SQLE: variants seen among roughly 807,000 people sequenced by gnomAD.
The protein encoded by SQLE is squalene epoxidase, also known as squalene monooxygenase.
In SQLE, 29 loss-of-function variants were observed where a neutral mutation model predicts 60.7. The ratio of observed to expected loss-of-function variants is 0.48; its 90% CI spans 0.36 to 0.65. The LOEUF is 0.65. Among genes scored for constraint, SQLE ranks in the 30% least tolerant of loss-of-function variants. The probability of loss-of-function intolerance (pLI) is 0.00; values close to 1 mark genes in which losing one functional copy is unlikely to be tolerated. For missense variants in SQLE, 605 were observed against 684.1 expected (o/e 0.88, Z 1.29); for synonymous variants, 237 against 246.8 (o/e 0.96, Z 0.37).
intron 7 of SQLE, among the ~76,000 whole-genome samples, chr8:125,017,659 G>A (rs1237421493): frequency 6.6e-6 from 1 of 152,198 alleles, no homozygotes; most frequent in African/African-American, 2.4e-5. Context: ...TTATGAAGGT[G>A]CTTTCCTGTG....
chr8:125,003,048 T>C (rs769380765), intron 1 of SQLE, 128 bp from the exon 2 acceptor site: 40 of 730,244 alleles, frequency 5.5e-5, no homozygotes, highest in Non-Finnish European at 7.4e-5. Context: ...TAACAATTTG[T>C]TTGGTTTGAT....
At chr8:125,007,672 G>A (rs1468804646) in intron 4 of SQLE, among the ~76,000 whole-genome samples, 185 bp downstream of exon 4, 1 of 152,086 alleles carries the variant, frequency 6.6e-6, no homozygotes, top group Non-Finnish European at 1.5e-5. Context: ...TACCAGTTGA[G>A]CATCTCTAAT....
In SQLE at chr8:125,006,631, A is replaced by G. The variant is rs546295826; in HGVS notation, c.726-760A>G. Among the ~76,000 whole-genome samples the G allele has an allele frequency of 3.7e-4, 56 of 151,900 alleles. 1 individual carries two copies. The highest frequency in any genetic ancestry group is 1.3e-3 in the African/African-American group (52 of 41,464). ...GCGAGACTTGGTCTCAAAAAAAAAA[A>G]AAAAGAAAATGGAAAAATAGTCCCA... On this transcript the variant is annotated intron_variant, in intron 3 of 10. Transcript: ENST00000265896.
intron 7 of SQLE, 181 bp from the exon 8 acceptor site, chr8:125,017,878 C>T (rs2129908151): frequency 1.5e-6 from 1 of 656,454 alleles, no homozygotes. Flanking sequence ...AGGTACCCAA[C>T]ATTGATTCAA....
chr8:125,011,853 C>T (rs1235796454), intron 7 of SQLE, among the ~76,000 whole-genome samples: 2 of 89,126 alleles, frequency 2.2e-5, no homozygotes, highest in African/African-American at 5.2e-5. Flanking sequence ...AAAAACTGAC[C>T]TTGACCTAGA....
chr8:124,999,343 T>G lies in SQLE; in HGVS notation c.-61T>G, dbSNP rs2129863441. On this transcript the variant is annotated 5_prime_UTR_variant, in exon 1 of 11. The change abolishes the stop of an existing upstream ORF in the 5' untranslated region. Transcript: ENST00000265896. ...TGGTACCTCATTTTGGGGAGAACCT[T>G]AAACCCACTCGAGCAGATAATCTCC... 1 of 1,455,708 alleles carries G rather than the reference T, an allele frequency of 6.9e-7. No homozygotes were observed. Among genetic ancestry groups the G allele is most frequent in the East Asian group, 2.5e-5 (1 of 40,488 alleles). The allele number at this position is 1,455,708 out of a possible 1,614,324, so 90.2% of individuals were successfully genotyped here.
chr8:125,009,305 G>C lies in SQLE; in HGVS notation c.1070G>C (p.Arg357Thr). 6.2e-7 allele frequency: 1 copy of C among 1,613,002 alleles called. No homozygotes were observed. The change falls in exon 6 of 11, where the codon AGA becomes ACA. Residue 357 changes from arginine to threonine, a missense_variant. Transcript: ENST00000265896. ...AGAGGAGAAATGCCAAGGAATTTAA[G>C]AGAATACATGGTTGAAAAAATTTAC... ...DIRGEMPRNL[R>T]EYMVEKIYPQ...
chr8:125,009,325 A>G lies in SQLE; in HGVS notation c.1090A>G (p.Ile364Val). The G allele has an allele frequency of 6.2e-7, 1 of 1,611,856 alleles. No homozygotes were observed. Among genetic ancestry groups the G allele is most frequent in the Non-Finnish European group, 8.5e-7 (1 of 1,179,226 alleles). Residue 364 changes from isoleucine (I) to valine (V), a missense_variant, in exon 6 of 11, where the codon ATT (isoleucine) becomes GTT (valine). Physicochemically the swap from Ile to Val is conservative, Grantham distance 29 (BLOSUM62 3). Coordinates refer to ENST00000265896, the MANE Select transcript of SQLE (RefSeq NM_003129.4). ...RNLREYMVEK[I>V]YPQIPDHLKE... Reference sequence around the variant, plus strand: ...TTTAAGAGAATACATGGTTGAAAAAATTTACCCACAAATACCTGGTAAGAA... The same window carrying G: ...TTTAAGAGAATACATGGTTGAAAAAGTTTACCCACAAATACCTGGTAAGAA...
In SQLE at chr8:125,021,784, C is replaced by T. The variant is rs1456048263; in HGVS notation, c.1564C>T (p.His522Tyr). 6.2e-7 allele frequency: 1 copy of T among 1,606,932 alleles called. No individual in the cohort carries two copies. The highest frequency in any genetic ancestry group is 8.5e-7 in the Non-Finnish European group (1 of 1,176,348). ...TCCTAACCCTCTAGTTTTAATTGGA[C>T]ACTTCTTTGCTGTTGCAATCTATGC... ...LSPNPLVLIG[H>Y]FFAVAIYAVY... The change falls in exon 11 of 11, where the codon CAC (histidine) becomes TAC (tyrosine). Residue 522 changes from histidine to tyrosine, a missense_variant. Physicochemically the swap from His to Tyr is moderately conservative, Grantham distance 83. Transcript: ENST00000265896.
chr8:124,998,902 C>T lies in SQLE; in HGVS notation c.-502C>T, dbSNP rs1036481562. 44 of 369,528 alleles carry T rather than the reference C, an allele frequency of 1.2e-4. No individual in the cohort carries two copies. The highest frequency in any genetic ancestry group is 2.0e-4 in the Non-Finnish European group (41 of 207,310). The allele number at this position is 369,528 out of a possible 1,614,324, so 22.9% of individuals were successfully genotyped here. A position where few individuals can be genotyped will look rare whatever the true frequency, so the allele number is the denominator to read the frequency against. On this transcript the variant is annotated 5_prime_UTR_variant, in exon 1 of 11. Transcript: ENST00000265896. ...GCCGGCCCGCAGCCCCCGTGCCTTC[C>T]GGCCGCTGCTCGCCGTCGCCAGAGG...
At chr8:125,018,556 G>C in intron 8 of SQLE, 75 bp from the exon 9 acceptor site, 1 of 930,326 alleles carries the variant, frequency 1.1e-6, no homozygotes, top group Non-Finnish European at 1.6e-6. Flanking sequence ...ATAAGTATCA[G>C]TTTGAGGGGA....
chr8:125,004,522 C>T (rs1254665198), intron 2 of SQLE, among the ~76,000 whole-genome samples: 1 of 149,450 alleles, frequency 6.7e-6, no homozygotes, highest in African/African-American at 2.6e-5. Flanking sequence ...ATCATAATCT[C>T]ATCAGTGATT....
Position 125,011,548 on chromosome 8 carries a change from G to T in SQLE, c.1120G>T (p.Glu374Ter). The change falls in exon 7 of 11, where the codon GAA becomes TAA. Residue 374 changes from glutamate (E) to a stop codon, truncating the protein, a stop_gained. Coordinates refer to ENST00000265896, the MANE Select transcript of SQLE (RefSeq NM_003129.4). LOFTEE classifies it high-confidence loss of function. ...IYPQIPDHLK[E>*]PFLEATDNSH... is the part of the protein sequence containing the mutation. ...GGGATTTATTGCAGATCACCTGAAA[G>T]AACCATTCTTAGAAGCCACTGACAA... 1 of 1,580,848 alleles carries T rather than the reference G, an allele frequency of 6.3e-7. No individual in the cohort carries two copies. Among genetic ancestry groups the T allele is most frequent in the East Asian group, 2.3e-5 (1 of 43,824 alleles).
chr8:125,004,639 CAT>C (rs1814918369), intron 2 of SQLE, among the ~76,000 whole-genome samples: 1 of 151,924 alleles, frequency 6.6e-6, no homozygotes, highest in Non-Finnish European at 1.5e-5. Context: ...ATCATCCATA[CAT>C]GTTTTTGTCC....
chr8:125,015,805 G>A (rs1317931632), intron 7 of SQLE, among the ~76,000 whole-genome samples: 1 of 152,024 alleles, frequency 6.6e-6, no homozygotes, highest in Non-Finnish European at 1.5e-5. Flanking sequence ...GAAGTCCCTC[G>A]GCTTTTGTTT....
chr8:125,014,199 T>C (rs1815078665), intron 7 of SQLE, among the ~76,000 whole-genome samples: 2 of 152,272 alleles, frequency 1.3e-5, no homozygotes, highest in South Asian at 2.1e-4. Context: ...AAAAACGTGA[T>C]GATTTGGATA....
rs542453704 is a variant in SQLE at position 125,016,334 on chromosome 8, C to A, written c.1205-1725C>A. On this transcript the variant is annotated intron_variant, in intron 7 of 10. Transcript: ENST00000265896. The surrounding 1 kb of genome is among the most constrained non-coding windows in gnomAD (Gnocchi z 4.1). ...GTCTCCTCTGTGTATTTTCAAATAG[C>A]CTGTTTTCAAGCTTACTAATTCTTT... Among the ~76,000 whole-genome samples, 2 of 152,068 alleles carry A rather than the reference C, an allele frequency of 1.3e-5. No individual in the cohort carries two copies. Among genetic ancestry groups the A allele is most frequent in the South Asian group, 2.1e-4 (1 of 4,810 alleles).
In SQLE at chr8:125,013,319, C is replaced by T. The variant is rs117630986; in HGVS notation, c.1204+1687C>T. Among the ~76,000 whole-genome samples the T allele has an allele frequency of 7.2e-4, 107 of 149,266 alleles. 1 individual carries two copies. In the East Asian group the frequency reaches 0.017, roughly 24 times the overall value. ...CATATTTAGGAAGGCTTTGTCCAAT[C>T]TAAGTTCAAAAAGATTTACTCCTAT... On this transcript the variant is annotated intron_variant, in intron 7 of 10. Transcript: ENST00000265896.
intron 4 of SQLE, 151 bp from the exon 5 acceptor site, chr8:125,008,820 T>G (rs1373770965): frequency 2.1e-6 from 1 of 477,094 alleles, no homozygotes. Flanking sequence ...GAAGCCCACG[T>G]AACAGTTTCT....
Sources: gnomAD v4.1 joint callset for allele counts (sites outside exome capture counted in the v4.1 genomes callset) on GRCh38, gnomAD v4.1.1 for gene constraint, Gnocchi (gnomAD v3.1) non-coding constraint, MANE v1.5 for transcripts, NCBI Gene and HGNC (gene_info 2026-07-23, HGNC 2026-07-21) for gene names.